Variants in COL6A6 observed in about 807,000 individuals in gnomAD.
COL6A6 encodes the protein collagen alpha-6(VI) chain.
COL6A6 carries 183 observed loss-of-function variants against 208.6 expected under a neutral mutation model. The ratio of observed to expected loss-of-function variants is 0.88; its 90% CI spans 0.78 to 0.99. The LOEUF (loss-of-function observed/expected upper bound fraction) is 0.99, where lower values mean the gene tolerates loss of function less well. COL6A6 is among the 50% of genes least tolerant of loss of function. The probability of loss-of-function intolerance (pLI) is 0.00; values close to 1 mark genes in which losing one functional copy is unlikely to be tolerated. For missense variants in COL6A6, 2,816 were observed against 2,815.2 expected, an observed-to-expected ratio of 1.00 and a Z score of -0.01; for synonymous variants, 973 against 1,011.8, an observed-to-expected ratio of 0.96 and a Z score of 0.73.
Position 130,599,522 on chromosome 3 carries a change from G to C in COL6A6, c.4600-235G>C, listed in dbSNP as rs529182307. Among the ~76,000 whole-genome samples the C allele has an allele frequency of 1.3e-4, 20 of 152,284 alleles. No individual in the cohort carries two copies. The South Asian group carries it at 4.1e-3, about 32-fold the overall frequency. On this transcript the variant is annotated intron_variant, in intron 19 of 36. Transcript: ENST00000358511. ...CCCCAAATACAACTTAGACAGTAGT[G>C]ATGAATGATGAACAGATGAAGCCAT...
At chr3:130,536,621 C>A (rs772207365) in intron 1 of COL6A6, among the ~76,000 whole-genome samples, 9 of 152,082 alleles carry the variant, frequency 5.9e-5, no homozygotes, top group Admixed American at 2.0e-4. Flanking sequence ...TCTAAGGAAA[C>A]CAAAGTAGCA....
At chr3:130,628,186 A>G (rs1247575298) in intron 26 of COL6A6, among the ~76,000 whole-genome samples, 1 of 152,214 alleles carries the variant, frequency 6.6e-6, no homozygotes. Flanking sequence ...AATAAAACTA[A>G]TGAATGAGGG....
At chr3:130,593,293 G>C in intron 17 of COL6A6, 41 bp downstream of exon 17, 8 of 1,489,406 alleles carry the variant, frequency 5.4e-6, no homozygotes, top group Non-Finnish European at 7.5e-6. Context: ...TTGTACTGGG[G>C]ATTAAGGGTG....
chr3:130,574,495 C>T lies in COL6A6; in HGVS notation c.3517C>T (p.Arg1173Cys), dbSNP rs771980382. The T allele has an allele frequency of 2.8e-5, 45 of 1,613,824 alleles. No individual in the cohort carries two copies. The highest frequency in any genetic ancestry group is 8.8e-5 in the South Asian group (8 of 91,086). Residue 1173 changes from arginine to cysteine, a missense_variant, in exon 8 of 37, where the codon CGC becomes TGC. By Grantham distance (180) the Arg-to-Cys change is radical. Transcript: ENST00000358511. ...ELKKVNKRIV[R>C]NICTTAGESN... Reference sequence around the variant, plus strand: ...GAAGAAGGTCAATAAAAGGATCGTTCGCAACATCTGTACCACAGCGGGTGA... The same window carrying T: ...GAAGAAGGTCAATAAAAGGATCGTTTGCAACATCTGTACCACAGCGGGTGA...
At chr3:130,648,942 T>A in intron 32 of COL6A6, 127 bp from the exon 33 acceptor site, 1 of 729,068 alleles carries the variant, frequency 1.4e-6, no homozygotes, top group Non-Finnish European at 2.0e-6. Context: ...TTTACATGTT[T>A]GTTTTAATAC....
chr3:130,640,309 A>G (rs1004911645), intron 28 of COL6A6, among the ~76,000 whole-genome samples: 5 of 152,106 alleles, frequency 3.3e-5, no homozygotes, highest in African/African-American at 1.2e-4. Context: ...TTTGCTTTCC[A>G]GATTCACATT....
intron 5 of COL6A6, among the ~76,000 whole-genome samples, chr3:130,567,612 A>G (rs1318516585): frequency 1.3e-5 from 2 of 152,230 alleles, no homozygotes; most frequent in Non-Finnish European, 2.9e-5. Context: ...CTTTTTATAC[A>G]GCTTTTATGA....
At chr3:130,663,635 T>C (rs1208755364) in intron 35 of COL6A6, among the ~76,000 whole-genome samples, 1 of 152,204 alleles carries the variant, frequency 6.6e-6, no homozygotes, top group South Asian at 2.1e-4. Context: ...AGTCTTATGA[T>C]GGAATTTCCT....
At position 130,652,321 on chromosome 3, in the gene COL6A6, G is replaced by A. The variant is rs568719864; in HGVS notation, c.5733+2759G>A. Reference sequence around the variant, plus strand: ...AGGAAACCCCAGTGATGTGTTTCTCGTGGAGAGGTACCTCTTCTCATTCAG... The same window carrying A: ...AGGAAACCCCAGTGATGTGTTTCTCATGGAGAGGTACCTCTTCTCATTCAG... On this transcript the variant is annotated intron_variant, in intron 33 of 36. Coordinates refer to ENST00000358511, the MANE Select transcript of COL6A6 (RefSeq NM_001102608.3). 7.9e-5 allele frequency among the ~76,000 whole-genome samples: 12 copies of A among 152,328 alleles called. No homozygotes were observed. The East Asian group carries it at 1.5e-3, about 20-fold the overall frequency.
chr3:130,620,077 G>A (rs1052377625), intron 23 of COL6A6, among the ~76,000 whole-genome samples: 1 of 152,164 alleles, frequency 6.6e-6, no homozygotes, highest in Non-Finnish European at 1.5e-5. Context: ...TGGCACTACA[G>A]GTGTGTGCTG....
chr3:130,519,795 G>T (rs1710959312), intron 1 of COL6A6, among the ~76,000 whole-genome samples: 1 of 152,180 alleles, frequency 6.6e-6, no homozygotes, highest in African/African-American at 2.4e-5. Context: ...TGGCGATGGT[G>T]GTGGTAAAGC....
chr3:130,548,135 C>A (rs1321176687), intron 1 of COL6A6, among the ~76,000 whole-genome samples: 1 of 152,208 alleles, frequency 6.6e-6, no homozygotes, highest in Non-Finnish European at 1.5e-5. Flanking sequence ...TTCCAACATC[C>A]CTGCCATGTC....
In COL6A6 at chr3:130,581,821, G is replaced by A. The variant is rs376118495; in HGVS notation, c.3808G>A (p.Val1270Ile). The change falls in exon 9 of 37, where the codon GTT (valine) becomes ATT (isoleucine). Residue 1270 changes from valine to isoleucine, a missense_variant. Transcript: ENST00000358511. ...ACTGAATAGCTTGAAGGATATAACA[G>A]TTAAAGGACCATCTCTTCTCAATGC... is the stretch of plus-strand genomic sequence containing the variant. ...NILNSLKDIT[V>I]KGPSLLNANL... The A allele has an allele frequency of 2.4e-5, 39 of 1,613,436 alleles. No individual in the cohort carries two copies. Among genetic ancestry groups the A allele is most frequent in the Non-Finnish European group, 3.0e-5 (35 of 1,179,376 alleles).
At position 130,641,715 on chromosome 3, in the gene COL6A6, G is replaced by A. The variant is rs2065315156; in HGVS notation, c.5154+1G>A. 4 of 1,578,528 alleles carry A rather than the reference G, an allele frequency of 2.5e-6. No homozygotes were observed. Among genetic ancestry groups the A allele is most frequent in the Non-Finnish European group, 3.5e-6 (4 of 1,150,704 alleles). ...GGAACCAGGACCTCCTGGACGTAAG[G>A]TAAGTAGAAAAACTATAAACCACAG... is the stretch of plus-strand genomic sequence containing the variant. On this transcript the variant is annotated splice_donor_variant, in intron 29 of 36. Transcript: ENST00000358511. LOFTEE classifies it high-confidence loss of function.
At chr3:130,669,797 A>C (rs1031960647) in intron 36 of COL6A6, among the ~76,000 whole-genome samples, 3 of 151,928 alleles carry the variant, frequency 2.0e-5, no homozygotes, top group Admixed American at 2.0e-4. Context: ...TTTAGCACGT[A>C]TGAATATTAC....
Position 130,634,574 on chromosome 3 carries a change from C to T in COL6A6, c.4993-16C>T, listed in dbSNP as rs1043032955. On this transcript the variant is annotated splice_polypyrimidine_tract_variant and intron_variant, in intron 26 of 36. Transcript: ENST00000358511. ...TGATGTGTGCCTGTATAAATCTTTC[C>T]TCCTGTCCATTACAGGGACAAGAAG... The T allele has an allele frequency of 1.3e-6, 2 of 1,599,386 alleles. No homozygotes were observed. The highest frequency in any genetic ancestry group is 1.7e-6 in the Non-Finnish European group (2 of 1,171,332).
chr3:130,634,246 A>T (rs866919188), intron 26 of COL6A6, among the ~76,000 whole-genome samples: 1,991 of 48,370 alleles, frequency 0.041, 9 homozygotes, highest in Non-Finnish European at 0.048. Flanking sequence ...AATAAATAAA[A>T]AAAAAAAAAA....
At chr3:130,644,891 T>A in intron 31 of COL6A6, 100 bp from the exon 32 acceptor site, 1 of 1,094,726 alleles carries the variant, frequency 9.1e-7, no homozygotes, top group Non-Finnish European at 1.4e-6. Context: ...TTGAGTCATC[T>A]ACAAAAAGCA....
In COL6A6 at chr3:130,600,535, A is replaced by G. The variant is rs142310910; in HGVS notation, c.4653+725A>G. On this transcript the variant is annotated intron_variant, in intron 20 of 36. Coordinates refer to ENST00000358511, the MANE Select transcript of COL6A6 (RefSeq NM_001102608.3). ...ATACACCATGGAATACTATGCAGCC[A>G]TAAAAAGGCATGAGATCATGTCCTT... 2.4e-3 allele frequency among the ~76,000 whole-genome samples: 366 copies of G among 152,350 alleles called. 2 individuals carry two copies. The highest frequency in any genetic ancestry group is 8.3e-3 in the African/African-American group (345 of 41,576).
Sources: allele counts gnomAD v4.1 joint callset (sites outside exome capture counted in the v4.1 genomes callset), GRCh38; gene constraint gnomAD v4.1.1; transcripts MANE v1.5; gene names NCBI Gene and HGNC (gene_info 2026-07-23, HGNC 2026-07-21).